Variants in CARMIL1 observed in about 807,000 individuals in gnomAD.
CARMIL1 encodes F-actin-uncapping protein LRRC16A.
CARMIL1 carries 90 observed loss-of-function variants against 177.1 expected under a neutral mutation model. That is an observed-to-expected ratio of 0.51 (90% confidence interval 0.43 to 0.61). The LOEUF (loss-of-function observed/expected upper bound fraction) is 0.61, where lower values mean the gene tolerates loss of function less well. CARMIL1 is among the 20% of genes least tolerant of loss of function. The pLI is 0.00. For synonymous variants in CARMIL1, 577 were observed against 606.2 expected (o/e 0.95, Z 0.71); for missense variants, 1,380 against 1,667.0 (o/e 0.83, Z 3.00).
chr6:25,384,141 T>A (rs2150500332), intron 2 of CARMIL1, among the ~76,000 whole-genome samples: 1 of 152,246 alleles, frequency 6.6e-6, no homozygotes, highest in East Asian at 1.9e-4. Flanking sequence ...GCCCGGCTGG[T>A]TTTTAAGACA....
chr6:25,408,034 A>G (rs1205649874), intron 2 of CARMIL1, among the ~76,000 whole-genome samples: 1 of 152,084 alleles, frequency 6.6e-6, no homozygotes, highest in Non-Finnish European at 1.5e-5. Context: ...GTGGTGCATG[A>G]CTATAATCCA....
In CARMIL1 at chr6:25,610,073, AGCCCGAAAGTT is replaced by A; in HGVS notation, c.3876_3886del (p.Lys1293SerfsTer19). The A allele has an allele frequency of 6.2e-7, 1 of 1,613,954 alleles. No individual in the cohort carries two copies. The highest frequency in any genetic ancestry group is 8.5e-7 in the Non-Finnish European group (1 of 1,179,878). ...AGATGACATTCCAGACTCTCCATCT[AGCCCGAAAGTT>A]GCCCTTCTTCCACCTGTCCTGAAAA... On this transcript the variant is annotated frameshift_variant, in exon 36 of 37. Coordinates refer to ENST00000329474, the MANE Select transcript of CARMIL1 (RefSeq NM_017640.6). LOFTEE classifies it high-confidence loss of function.
intron 13 of CARMIL1, among the ~76,000 whole-genome samples, chr6:25,489,103 T>C (rs1055987026): frequency 2.6e-5 from 4 of 152,040 alleles, no homozygotes; most frequent in African/African-American, 9.7e-5. Flanking sequence ...AGGCGGAGGT[T>C]GTGGTGAGCC....
chr6:25,586,969 C>G (rs118036358), intron 31 of CARMIL1, among the ~76,000 whole-genome samples: 1 of 133,988 alleles, frequency 7.5e-6, no homozygotes, highest in Non-Finnish European at 1.6e-5. Context: ...GGAGAGAGAC[C>G]GTGGAGAGAG....
chr6:25,600,841 T>G (rs1815330902), intron 33 of CARMIL1, 95 bp downstream of exon 33: 1 of 1,125,102 alleles, frequency 8.9e-7, no homozygotes, highest in African/African-American at 1.6e-5. Flanking sequence ...TGTATGTCTA[T>G]CACCTTAAAC....
At chr6:25,450,275 T>C in intron 6 of CARMIL1, 64 bp from the exon 7 acceptor site, 1 of 1,195,814 alleles carries the variant, frequency 8.4e-7, no homozygotes, top group South Asian at 1.3e-5. Flanking sequence ...TATTTAAGCT[T>C]TAAAATTTTA....
intron 21 of CARMIL1, among the ~76,000 whole-genome samples, chr6:25,516,137 G>A (rs893875316): frequency 2.9e-4 from 44 of 152,302 alleles, no homozygotes; most frequent in Admixed American, 2.0e-3. Flanking sequence ...TGACCAATGT[G>A]GGGGTAAAGG....
At chr6:25,363,997 A>G (rs937997665) in intron 2 of CARMIL1, among the ~76,000 whole-genome samples, 1 of 151,948 alleles carries the variant, frequency 6.6e-6, no homozygotes, top group African/African-American at 2.4e-5. Flanking sequence ...GCTGGACTAC[A>G]GTAGCAATAT....
chr6:25,280,184 G>A (rs796802885), intron 1 of CARMIL1, among the ~76,000 whole-genome samples: 6 of 152,144 alleles, frequency 3.9e-5, no homozygotes, highest in African/African-American at 1.4e-4. Flanking sequence ...TTCTGCAAGC[G>A]AGGGGAGCCC....
chr6:25,399,973 C>T (rs80200729), intron 2 of CARMIL1, among the ~76,000 whole-genome samples: 1 of 152,082 alleles, frequency 6.6e-6, no homozygotes, highest in African/African-American at 2.4e-5. Context: ...GTTTTTACAG[C>T]CAAGGGTGAG....
At chr6:25,491,579 C>G (rs12528639) in intron 13 of CARMIL1, among the ~76,000 whole-genome samples, 153 bp from the exon 14 acceptor site, 56,914 of 152,004 alleles carry the variant, frequency 0.37, 10,838 homozygotes, top group South Asian at 0.46. Flanking sequence ...GTCAGGGAAC[C>G]TAAAGGAATG....
intron 31 of CARMIL1, 124 bp downstream of exon 31, chr6:25,581,563 CT>C: frequency 1.2e-6 from 1 of 824,252 alleles, no homozygotes. Context: ...ACTAGAACCT[CT>C]TTGCATGAGA....
At chr6:25,487,039 C>T (rs571405709) in intron 12 of CARMIL1, among the ~76,000 whole-genome samples, 8 of 152,174 alleles carry the variant, frequency 5.3e-5, no homozygotes, top group East Asian at 1.9e-4. Context: ...GTTTTTTGCA[C>T]TTAAATATTT....
intron 16 of CARMIL1, among the ~76,000 whole-genome samples, chr6:25,495,538 CGTGTGTGTGTGTGTGTGT>C (rs144132253): frequency 5.5e-5 from 8 of 144,872 alleles, no homozygotes; most frequent in Non-Finnish European, 9.1e-5. Context: ...TTCGTTTGTT[CGTGTGTGTGTGTGTGTGT>C]GTGTGTGTGT....
chr6:25,320,532 A>G (rs1784594455), intron 2 of CARMIL1, among the ~76,000 whole-genome samples: 1 of 152,264 alleles, frequency 6.6e-6, no homozygotes, highest in South Asian at 2.1e-4. Flanking sequence ...CCTTTCACAT[A>G]TAACACCTCA....
intron 2 of CARMIL1, among the ~76,000 whole-genome samples, chr6:25,302,766 A>T (rs923904115): frequency 2.6e-4 from 39 of 152,194 alleles, no homozygotes; most frequent in African/African-American, 9.2e-4. Flanking sequence ...CGCCCATCTC[A>T]GCACTTGAAC....
chr6:25,481,006 TC>T (rs1802075799), intron 11 of CARMIL1, among the ~76,000 whole-genome samples: 1 of 151,990 alleles, frequency 6.6e-6, no homozygotes, highest in African/African-American at 2.4e-5. Flanking sequence ...TTTTTATTTG[TC>T]CCCTTTTTTC....
intron 2 of CARMIL1, among the ~76,000 whole-genome samples, chr6:25,345,864 A>G (rs1177650242): frequency 6.6e-6 from 1 of 152,078 alleles, no homozygotes; most frequent in African/African-American, 2.4e-5. Flanking sequence ...TGATCTGACC[A>G]CCTTGGTCTC....
rs564027143 is a variant in CARMIL1 at position 25,615,031 on chromosome 6, A to G, written c.3980-4416A>G. On this transcript the variant is annotated intron_variant, in intron 36 of 36. Coordinates refer to ENST00000329474, the MANE Select transcript of CARMIL1 (RefSeq NM_017640.6). ...AAGAAGTAATTTTTACAGGATCTTC[A>G]ATTAAAGTGATTTTATGCATAATAT... Among the ~76,000 whole-genome samples the G allele has an allele frequency of 1.1e-4, 16 of 152,372 alleles. No homozygotes were observed. The South Asian group carries it at 3.3e-3, about 32-fold the overall frequency.
Sources: gnomAD v4.1 joint callset for allele counts (sites outside exome capture counted in the v4.1 genomes callset) on GRCh38, gnomAD v4.1.1 for gene constraint, MANE v1.5 for transcripts, NCBI Gene and HGNC (gene_info 2026-07-23, HGNC 2026-07-21) for gene names.